The following ENTREP2 variants were observed in gnomAD, a reference collection of about 807,000 sequenced individuals.
ENTREP2 encodes the protein endosomal transmembrane epsin interactor 2, also known as protein ENTREP2.
At chr15:29,257,073 T>A in the ENTREP2 span, among the ~76,000 whole-genome samples, 1 of 149,104 alleles carries the variant, frequency 6.7e-6, no homozygotes, top group African/African-American at 2.5e-5. Context: ...TTTATTTATT[T>A]ATTTATTTAT....
the ENTREP2 span, among the ~76,000 whole-genome samples, chr15:29,623,783 G>C: frequency 1.3e-5 from 2 of 152,108 alleles, no homozygotes; most frequent in Admixed American, 6.5e-5. Flanking sequence ...AGGAGGGAGG[G>C]TAAGGTATCT....
At chr15:29,608,900 A>G in the ENTREP2 span, among the ~76,000 whole-genome samples, 1 of 151,840 alleles carries the variant, frequency 6.6e-6, no homozygotes, top group African/African-American at 2.4e-5. Flanking sequence ...CACCTGAACT[A>G]CCTCGCACTA....
chr15:29,594,054 A>T, the ENTREP2 span, among the ~76,000 whole-genome samples: 1 of 151,886 alleles, frequency 6.6e-6, no homozygotes, highest in Non-Finnish European at 1.5e-5. Context: ...CTTCCTGCAC[A>T]TTTTTTTTGC....
the ENTREP2 span, among the ~76,000 whole-genome samples, chr15:29,463,843 G>A: frequency 2.0e-5 from 3 of 152,082 alleles, no homozygotes; most frequent in South Asian, 6.2e-4. Flanking sequence ...TACAAAATGT[G>A]GCACAGACAC....
chr15:29,127,380 C>T, the ENTREP2 span, among the ~76,000 whole-genome samples: 3 of 152,158 alleles, frequency 2.0e-5, no homozygotes, highest in Admixed American at 6.5e-5. Context: ...GAAGCCTGGA[C>T]TCCTCCAGGC....
the ENTREP2 span, among the ~76,000 whole-genome samples, chr15:29,150,530 A>G: frequency 1.3e-5 from 2 of 152,192 alleles, no homozygotes; most frequent in Non-Finnish European, 2.9e-5. Context: ...TTTCCTTTAC[A>G]GAACACGTTG....
At chr15:29,567,936 T>C in the ENTREP2 span, among the ~76,000 whole-genome samples, 1 of 152,162 alleles carries the variant, frequency 6.6e-6, no homozygotes, top group Admixed American at 6.5e-5. Flanking sequence ...ACAGTATGGA[T>C]TTCTTTATGA....
At chr15:29,220,239 C>T in the ENTREP2 span, among the ~76,000 whole-genome samples, 45 of 152,156 alleles carry the variant, frequency 3.0e-4, no homozygotes, top group East Asian at 8.3e-3. Flanking sequence ...ACTTGGCCTA[C>T]GCAAAGCCTG....
chr15:29,178,495 C>G, the ENTREP2 span, among the ~76,000 whole-genome samples: 10 of 152,070 alleles, frequency 6.6e-5, no homozygotes, highest in African/African-American at 2.4e-4. Context: ...TCAGACTGTT[C>G]TCCTCTCTGC....
At chr15:29,187,437 G>C in the ENTREP2 span, among the ~76,000 whole-genome samples, 4 of 152,182 alleles carry the variant, frequency 2.6e-5, no homozygotes, top group Admixed American at 2.0e-4. Context: ...CACCACGCCA[G>C]GCTAATTTTT....
At chr15:29,608,490 G>GCTCCTGCCTC in the ENTREP2 span, among the ~76,000 whole-genome samples, 23 of 150,886 alleles carry the variant, frequency 1.5e-4, no homozygotes, top group East Asian at 3.9e-3. Context: ...GGGCTCGACT[G>GCTCCTGCCTC]CTCCTGCCTC....
chr15:29,423,912 T>C, the ENTREP2 span, among the ~76,000 whole-genome samples: 1 of 152,198 alleles, frequency 6.6e-6, no homozygotes, highest in Non-Finnish European at 1.5e-5. Flanking sequence ...ATTCAGACTA[T>C]CTCAATGGGA....
the ENTREP2 span, among the ~76,000 whole-genome samples, chr15:29,451,091 C>T: frequency 2.0e-5 from 3 of 152,092 alleles, no homozygotes; most frequent in Admixed American, 6.5e-5. Flanking sequence ...CTGCACTGAA[C>T]CTAAAATAAA....
chr15:29,158,538 T>TGGACTACAGGA, the ENTREP2 span, among the ~76,000 whole-genome samples: 4 of 151,994 alleles, frequency 2.6e-5, no homozygotes, highest in African/African-American at 4.8e-5. Flanking sequence ...CCCAAGTATC[T>TGGACTACAGGA]GGACTACAGG....
the ENTREP2 span, among the ~76,000 whole-genome samples, chr15:29,321,381 G>A: frequency 7.2e-5 from 11 of 152,250 alleles, no homozygotes; most frequent in African/African-American, 2.4e-4. Context: ...TGGGCGCGGT[G>A]GCTCATGCCT....
At chr15:29,253,450 CTCT>C in the ENTREP2 span, among the ~76,000 whole-genome samples, 2 of 83,528 alleles carry the variant, frequency 2.4e-5, no homozygotes, top group African/African-American at 5.9e-5. Flanking sequence ...TTGTCTCTCT[CTCT>C]TTTTTTTTTT....
At chr15:29,203,121 G>A in the ENTREP2 span, among the ~76,000 whole-genome samples, 1 of 152,208 alleles carries the variant, frequency 6.6e-6, no homozygotes, top group Admixed American at 6.5e-5. Context: ...ACCGTTCCTA[G>A]GCCGGGCACG....
the ENTREP2 span, among the ~76,000 whole-genome samples, chr15:29,542,632 T>G: frequency 1.3e-5 from 2 of 152,208 alleles, no homozygotes; most frequent in African/African-American, 2.4e-5. Context: ...GTTACGGTTC[T>G]ACGGCACAAC....
the ENTREP2 span, among the ~76,000 whole-genome samples, chr15:29,474,492 C>G: frequency 4.3e-4 from 65 of 152,294 alleles, no homozygotes; most frequent in African/African-American, 1.5e-3. Flanking sequence ...ATCTATATGT[C>G]CTGGTCACTG....
Sources: allele counts gnomAD v4.1 joint callset (sites outside exome capture counted in the v4.1 genomes callset), GRCh38; gene constraint gnomAD v4.1.1; transcripts MANE v1.5; gene names NCBI Gene and HGNC (gene_info 2026-07-23, HGNC 2026-07-21).